Variants in MSH4 observed in about 807,000 individuals in gnomAD.
MSH4 encodes mutS homolog 4.
MSH4 carries 106 observed loss-of-function variants against 113.7 expected under a neutral mutation model. That is an observed-to-expected ratio of 0.93 (90% CI 0.80 to 1.10). MSH4 has a LOEUF of 1.10. Among genes scored for constraint, MSH4 ranks in the 50% least tolerant of loss-of-function variants. MSH4 has a pLI of 0.00. For missense variants in MSH4, 1,061 were observed against 1,093.7 expected (o/e 0.97, Z 0.42); for synonymous variants, 368 against 380.2 (o/e 0.97, Z 0.37).
intron 17 of MSH4, 152 bp downstream of exon 17, chr1:75,890,976 C>CACTTTCATTGGA: frequency 3.0e-6 from 2 of 670,226 alleles, no homozygotes; most frequent in Non-Finnish European, 4.5e-6. Context: ...CCTTCATTTC[C>CACTTTCATTGGA]AATGAAAGTG....
chr1:75,905,001 G>T, intron 19 of MSH4, among the ~76,000 whole-genome samples: 1 of 151,886 alleles, frequency 6.6e-6, no homozygotes, highest in East Asian at 1.9e-4. Flanking sequence ...GTCTAGTAAA[G>T]ATTTGTTTGT....
chr1:75,817,794 C>CA (rs36038001), intron 6 of MSH4, among the ~76,000 whole-genome samples: 83 of 149,732 alleles, frequency 5.5e-4, no homozygotes, highest in East Asian at 7.9e-4. Flanking sequence ...AATAAGTTCT[C>CA]AAAAAAAAAA....
intron 6 of MSH4, among the ~76,000 whole-genome samples, chr1:75,818,993 C>T (rs1342561370): frequency 6.6e-6 from 1 of 152,010 alleles, no homozygotes; most frequent in Non-Finnish European, 1.5e-5. Flanking sequence ...GTCTCGATCT[C>T]CTGACCTCAT....
Position 75,878,244 on chromosome 1 carries a change from C to T in MSH4, c.1466C>T (p.Ala489Val). ...AACATGAGGACTCAGAAGTGCTATGCAGTGAGGTCTAACATAAATGAATTT... is the reference window on the plus strand; with the variant it reads ...AACATGAGGACTCAGAAGTGCTATGTAGTGAGGTCTAACATAAATGAATTT... ...CLNMRTQKCY[A>V]VRSNINEFLD... The change falls in exon 11 of 20, where the codon GCA becomes GTA. Residue 489 changes from alanine (A) to valine (V), a missense_variant. Transcript: ENST00000263187. 2 of 1,610,282 alleles carry T rather than the reference C, an allele frequency of 1.2e-6. No homozygotes were observed. The highest frequency in any genetic ancestry group is 1.1e-5 in the South Asian group (1 of 89,914).
At chr1:75,858,326 G>A (rs374821426) in intron 8 of MSH4, among the ~76,000 whole-genome samples, 4 of 152,202 alleles carry the variant, frequency 2.6e-5, no homozygotes, top group Non-Finnish European at 5.9e-5. Context: ...GTGAGAAAGG[G>A]CATCCTTGTC....
At chr1:75,830,683 C>A (rs1198386252) in intron 7 of MSH4, among the ~76,000 whole-genome samples, 2 of 152,138 alleles carry the variant, frequency 1.3e-5, no homozygotes, top group South Asian at 2.1e-4. Flanking sequence ...TCATATCCAG[C>A]CAAACTAAGC....
Position 75,881,328 on chromosome 1 carries a change from ATGCTACTGTCAT to A in MSH4, c.1866_1877del (p.Met622_Phe626delinsIle). ...ATCTGACACTGTGTCAATGCTGGAT[ATGCTACTGTCAT>A]TTGCTCATGCCTGCACTCTTTCTGA... On this transcript the variant is annotated inframe_deletion, in exon 14 of 20. Transcript: ENST00000263187. 6.2e-7 allele frequency: 1 copy of A among 1,612,084 alleles called. No individual in the cohort carries two copies. The highest frequency in any genetic ancestry group is 8.5e-7 in the Non-Finnish European group (1 of 1,179,020).
chr1:75,884,450 A>G (rs1484980308), intron 15 of MSH4, among the ~76,000 whole-genome samples: 2 of 152,096 alleles, frequency 1.3e-5, no homozygotes, highest in East Asian at 3.9e-4. Context: ...TACTTGGCCA[A>G]AATGAAGTGG....
chr1:75,862,088 G>C (rs1485051784), intron 8 of MSH4, among the ~76,000 whole-genome samples: 1 of 152,158 alleles, frequency 6.6e-6, no homozygotes, highest in East Asian at 1.9e-4. Flanking sequence ...CGTGGAACCT[G>C]CTGAGCCAGG....
At chr1:75,878,703 C>T (rs1557520322) in intron 11 of MSH4, among the ~76,000 whole-genome samples, 2 of 151,800 alleles carry the variant, frequency 1.3e-5, no homozygotes, top group Non-Finnish European at 2.9e-5. Flanking sequence ...TGCCTGTAGT[C>T]CCAGCTACTC....
intron 5 of MSH4, 41 bp from the exon 6 acceptor site, chr1:75,816,332 T>A: frequency 7.7e-7 from 1 of 1,304,462 alleles, no homozygotes; most frequent in Non-Finnish European, 1.0e-6. Flanking sequence ...TAATTTTTTA[T>A]ATTAAAGACT....
intron 8 of MSH4, among the ~76,000 whole-genome samples, chr1:75,854,143 C>G (rs953993169): frequency 2.0e-5 from 3 of 151,308 alleles, no homozygotes; most frequent in African/African-American, 7.3e-5. Flanking sequence ...AGGGTTCATA[C>G]TAGTTTTCTC....
chr1:75,818,476 T>C (rs182988770), intron 6 of MSH4, among the ~76,000 whole-genome samples: 41 of 152,328 alleles, frequency 2.7e-4, no homozygotes, highest in Admixed American at 1.8e-3. Context: ...TGTAAAATGA[T>C]GTGGCCAATA....
intron 1 of MSH4, among the ~76,000 whole-genome samples, chr1:75,797,944 A>G (rs757828981): frequency 1.6e-4 from 25 of 152,206 alleles, no homozygotes; most frequent in Non-Finnish European, 2.8e-4. Flanking sequence ...ACCCTGACTC[A>G]AAACAAACAA....
chr1:75,882,826 G>C (rs1355477781), intron 14 of MSH4, among the ~76,000 whole-genome samples: 2 of 152,006 alleles, frequency 1.3e-5, no homozygotes, highest in Admixed American at 6.6e-5. Context: ...CTGGGTGATA[G>C]ACCAAGACCC....
At chr1:75,849,034 T>G (rs5745413) in intron 8 of MSH4, among the ~76,000 whole-genome samples, 2 of 152,122 alleles carry the variant, frequency 1.3e-5, no homozygotes, top group South Asian at 4.2e-4. Context: ...CAGGTTCAAG[T>G]GATTCTCTTG....
chr1:75,866,575 T>C (rs536552969), intron 8 of MSH4, among the ~76,000 whole-genome samples: 1 of 152,340 alleles, frequency 6.6e-6, no homozygotes, highest in Non-Finnish European at 1.5e-5. Context: ...GAACATGACA[T>C]AACCCATTTG....
At position 75,886,501 on chromosome 1, in the gene MSH4, G is replaced by GTATTATATATGATA. The variant is rs1557524982; in HGVS notation, c.2107+2690_2107+2691insGATATATTATATAT. ...ATATATATGATGTATTATATATGAT[G>GTATTATATATGATA]TATTATATATAATATATATGATGTA... is the stretch of plus-strand genomic sequence containing the variant. On this transcript the variant is annotated intron_variant, in intron 15 of 19. Transcript: ENST00000263187. 4.0e-4 allele frequency among the ~76,000 whole-genome samples: 39 copies of GTATTATATATGATA among 98,384 alleles called. 1 individual carries two copies. Among genetic ancestry groups the GTATTATATATGATA allele is most frequent in the African/African-American group, 1.3e-3 (34 of 25,310 alleles). The allele number at this position is 98,384 out of a possible 152,430, so 64.5% of individuals were successfully genotyped here.
chr1:75,897,892 T>G lies in MSH4; in HGVS notation c.2356-15T>G, dbSNP rs1364531412. On this transcript the variant is annotated splice_polypyrimidine_tract_variant and intron_variant, in intron 17 of 19. Coordinates refer to ENST00000263187, the MANE Select transcript of MSH4 (RefSeq NM_002440.4). ...TTTTAAAGTACTAATATTCATTGTC[T>G]GTTATATATTCCAGGCATTTACACT... 2 of 1,427,614 alleles carry G rather than the reference T, an allele frequency of 1.4e-6. No individual in the cohort carries two copies. The highest frequency in any genetic ancestry group is 1.9e-6 in the Non-Finnish European group (2 of 1,080,066). The allele number at this position is 1,427,614 out of a possible 1,614,324, so 88.4% of individuals were successfully genotyped here. A position where few individuals can be genotyped will look rare whatever the true frequency, so the allele number is the denominator to read the frequency against.
Sources: gnomAD v4.1 joint callset for allele counts (sites outside exome capture counted in the v4.1 genomes callset) on GRCh38, gnomAD v4.1.1 for gene constraint, MANE v1.5 for transcripts, NCBI Gene and HGNC (gene_info 2026-07-23, HGNC 2026-07-21) for gene names.